LARS1: variants seen among roughly 807,000 people sequenced by gnomAD.
LARS1 encodes the protein leucine--tRNA ligase, cytoplasmic.
In LARS1, 100 loss-of-function variants were observed where a neutral mutation model predicts 162.8. That is an observed-to-expected ratio of 0.61 (90% CI 0.52 to 0.73). The LOEUF (loss-of-function observed/expected upper bound fraction) is 0.73, where lower values mean the gene tolerates loss of function less well. LARS1 is among the 30% of genes least tolerant of loss of function. The pLI, the probability that LARS1 is intolerant of heterozygous loss-of-function variation, is 0.00. For synonymous variants in LARS1, 457 were observed against 462.8 expected (o/e 0.99, Z 0.16); for missense variants, 1,258 against 1,408.9 (o/e 0.89, Z 1.71).
Position 146,160,477 on chromosome 5 carries a change from GC to G in LARS1, c.603del (p.Trp201CysfsTer23). The G allele has an allele frequency of 6.5e-7, 1 of 1,531,964 alleles. No individual in the cohort carries two copies. 94.9% of individuals were successfully genotyped at this position (1,531,964 alleles called of 1,614,324 possible). A position where few individuals can be genotyped will look rare whatever the true frequency, so the allele number is the denominator to read the frequency against. ...ACATCAGTGGTGATGAAGGAACGACGCCAGTCTACCTATAAAAGGAAAATTT... is the reference window on the plus strand; with the variant it reads ...ACATCAGTGGTGATGAAGGAACGACGCAGTCTACCTATAAAAGGAAAATTT... ...DLKRMGLKVD[W>X]RRSFITTDVN... On this transcript the variant is annotated frameshift_variant, in exon 7 of 32. Coordinates refer to ENST00000394434, the MANE Select transcript of LARS1 (RefSeq NM_020117.11). LOFTEE classifies it high-confidence loss of function.
At chr5:146,172,237 G>T (rs1229335605) in intron 3 of LARS1, among the ~76,000 whole-genome samples, 1 of 152,128 alleles carries the variant, frequency 6.6e-6, no homozygotes, top group African/African-American at 2.4e-5. Flanking sequence ...ACTTAAATGG[G>T]CCAGGCACGG....
chr5:146,179,743 G>C lies in LARS1; in HGVS notation c.7-2078C>G, dbSNP rs181353447. ...GCCTCCTGAATAGCTGGGACTACAGGCATATGCACCACCATACCCAGATAG... is the reference window on the plus strand; with the variant it reads ...GCCTCCTGAATAGCTGGGACTACAGCCATATGCACCACCATACCCAGATAG... On this transcript the variant is annotated intron_variant, in intron 1 of 31. Coordinates refer to ENST00000394434, the MANE Select transcript of LARS1 (RefSeq NM_020117.11). 1.3e-5 allele frequency: 5 copies of C among 395,636 alleles called. No individual in the cohort carries two copies. The Admixed American group carries it at 1.4e-4, about 11-fold the overall frequency. 24.5% of individuals were successfully genotyped at this position (395,636 alleles called of 1,614,324 possible). A position where few individuals can be genotyped will look rare whatever the true frequency, so the allele number is the denominator to read the frequency against.
At position 146,171,979 on chromosome 5, in the gene LARS1, C is replaced by A; in HGVS notation, c.225G>T (p.Gly75=). The A allele has an allele frequency of 6.2e-7, 1 of 1,612,876 alleles. No homozygotes were observed. Among genetic ancestry groups the A allele is most frequent in the South Asian group, 1.1e-5 (1 of 91,056 alleles). Residue 75 remains glycine, a synonymous_variant, in exon 4 of 32, where the codon GGG becomes GGT. Coordinates refer to ENST00000394434, the MANE Select transcript of LARS1 (RefSeq NM_020117.11). ...AACATTTTCCTTTCAATCGCTGGTA[C>A]CCTACAGCAAACTACAGAAATAAAA... ...FSLSKCEFAV[G]YQRLKGKCCL... is the part of the protein sequence containing the mutation.
At chr5:146,177,293 C>G (rs1581095718) in intron 2 of LARS1, among the ~76,000 whole-genome samples, 1 of 151,498 alleles carries the variant, frequency 6.6e-6, no homozygotes, top group East Asian at 1.9e-4. Context: ...AGTGAAACAT[C>G]ATCTCTACTA....
At chr5:146,124,880 T>C (rs1283258539) in intron 28 of LARS1, among the ~76,000 whole-genome samples, 5 of 151,856 alleles carry the variant, frequency 3.3e-5, no homozygotes, top group African/African-American at 1.2e-4. Context: ...AAACCACTAA[T>C]TTGCCTGGCA....
chr5:146,126,500 G>A lies in LARS1; in HGVS notation c.2926C>T (p.Leu976=). 6.2e-7 allele frequency: 1 copy of A among 1,612,348 alleles called. No homozygotes were observed. The highest frequency in any genetic ancestry group is 8.5e-7 in the Non-Finnish European group (1 of 1,178,832). ...LPDNKVIASE[L]GSMPELKKYM... Reference sequence around the variant, plus strand: ...TTCTTCAGTTCTGGCATACTGCCTAGTTCACTAGCAATGACTTTGTTGTCA... The same window carrying A: ...TTCTTCAGTTCTGGCATACTGCCTAATTCACTAGCAATGACTTTGTTGTCA... Residue 976 remains leucine, a synonymous_variant, in exon 28 of 32, where the codon CTA becomes TTA. Transcript: ENST00000394434.
rs187323778 is a variant in LARS1 at position 146,154,589 on chromosome 5, G to A, written c.1066-609C>T. 5.3e-3 allele frequency among the ~76,000 whole-genome samples: 803 copies of A among 152,084 alleles called. 9 individuals are homozygous for A. The highest frequency in any genetic ancestry group is 0.018 in the African/African-American group (762 of 41,510). On this transcript the variant is annotated intron_variant, in intron 10 of 31. Transcript: ENST00000394434. ...GCTTAGGAGTTCGCGACCAGCCTGGGCAACATGGTGAAACCCCGTCTCTAC... is the reference window on the plus strand; with the variant it reads ...GCTTAGGAGTTCGCGACCAGCCTGGACAACATGGTGAAACCCCGTCTCTAC...
At chr5:146,164,676 T>C (rs1348915158) in intron 5 of LARS1, among the ~76,000 whole-genome samples, 1 of 152,210 alleles carries the variant, frequency 6.6e-6, no homozygotes. Flanking sequence ...TCAAACTGTA[T>C]AGCCAAGATA....
intron 5 of LARS1, 82 bp downstream of exon 5, chr5:146,168,046 C>T (rs1211856219): frequency 3.5e-6 from 4 of 1,137,118 alleles, no homozygotes; most frequent in Non-Finnish European, 2.5e-6. Flanking sequence ...ATGTGTTGGG[C>T]ACTGTGCTAG....
Position 146,113,906 on chromosome 5 carries a change from C to A in LARS1, c.*200G>T. On this transcript the variant is annotated 3_prime_UTR_variant, in exon 32 of 32. Coordinates refer to ENST00000394434, the MANE Select transcript of LARS1 (RefSeq NM_020117.11). ...GGCAAAAACCATTTCTCTTGGACAC[C>A]CAAAGAAAGGGAAAAAAAATTTATT... The A allele has an allele frequency of 1.3e-5, 7 of 533,492 alleles. No homozygotes were observed. The highest frequency in any genetic ancestry group is 5.7e-5 in the South Asian group (2 of 35,138). The allele number at this position is 533,492 out of a possible 1,614,324, so 33.0% of individuals were successfully genotyped here.
Position 146,140,271 on chromosome 5 carries a change from T to C in LARS1, c.2091-10A>G. The C allele has an allele frequency of 6.3e-7, 1 of 1,596,150 alleles. No homozygotes were observed. Among genetic ancestry groups the C allele is most frequent in the Non-Finnish European group, 8.6e-7 (1 of 1,164,240 alleles). ...TGTAGGCCATTTGTCACTTCACAGA[T>C]AAATGTTTAAAGATAGAAAATAAAA... On this transcript the variant is annotated splice_polypyrimidine_tract_variant and intron_variant, in intron 20 of 31. Transcript: ENST00000394434.
At chr5:146,117,068 C>G (rs1191240609) in intron 31 of LARS1, among the ~76,000 whole-genome samples, 1 of 152,128 alleles carries the variant, frequency 6.6e-6, no homozygotes, top group Non-Finnish European at 1.5e-5. Context: ...CTAAAATTTA[C>G]AACAGCTACT....
At chr5:146,140,292 T>TA (rs746987730) in intron 20 of LARS1, 31 bp from the exon 21 acceptor site, 9 of 1,563,276 alleles carry the variant, frequency 5.8e-6, no homozygotes, top group African/African-American at 2.7e-5. Context: ...AGATAGAAAA[T>TA]AAAAAAACAA....
rs755249970 is a variant in LARS1, at chr5:146,114,119, T to C, written c.3518A>G (p.Tyr1173Cys). The change falls in exon 32 of 32, where the codon TAT becomes TGT. Residue 1173 changes from tyrosine to cysteine, a missense_variant. Tyr to Cys is a radical substitution (Grantham distance 194). Coordinates refer to ENST00000394434, the MANE Select transcript of LARS1 (RefSeq NM_020117.11). ...ATGTGCATGAGTTTAATGAACCAGA[T>C]AGATTATTGTATCGCCAATATCCAC... ...IRVDIGDTIIYLVH is the reference protein window; with the variant it reads ...IRVDIGDTIICLVH 24 of 1,612,432 alleles carry C rather than the reference T, an allele frequency of 1.5e-5. No individual in the cohort carries two copies. Among genetic ancestry groups the C allele is most frequent in the Non-Finnish European group, 2.0e-5 (24 of 1,178,992 alleles).
intron 22 of LARS1, 57 bp downstream of exon 22, chr5:146,135,544 T>C: frequency 7.9e-7 from 1 of 1,264,130 alleles, no homozygotes. Flanking sequence ...TTAACGTGTC[T>C]TCTATAATCT....
At chr5:146,156,051 G>A (rs1753510633) in intron 10 of LARS1, among the ~76,000 whole-genome samples, 1 of 152,176 alleles carries the variant, frequency 6.6e-6, no homozygotes, top group Non-Finnish European at 1.5e-5. Flanking sequence ...AAATTAAAAA[G>A]CAAGATGTGG....
chr5:146,168,281 G>A lies in LARS1; in HGVS notation c.295-16C>T, dbSNP rs772228195. 6.3e-7 allele frequency: 1 copy of A among 1,579,784 alleles called. No homozygotes were observed. The highest frequency in any genetic ancestry group is 2.2e-5 in the East Asian group (1 of 44,516). On this transcript the variant is annotated splice_polypyrimidine_tract_variant and intron_variant, in intron 4 of 31. Transcript: ENST00000394434. The stretch of plus-strand genomic sequence containing the variant: ...CAGCACATGCCTACAACGAATATTA[G>A]AGATAATGAAGTTCAAAATCAAGGT...
At chr5:146,162,615 G>T (rs1384155287) in intron 6 of LARS1, among the ~76,000 whole-genome samples, 2 of 152,146 alleles carry the variant, frequency 1.3e-5, no homozygotes, top group African/African-American at 4.8e-5. Context: ...AAAGTCAGTA[G>T]ACACATTAGC....
intron 1 of LARS1, among the ~76,000 whole-genome samples, chr5:146,181,870 T>C (rs1754877791): frequency 1.6e-5 from 2 of 126,780 alleles, no homozygotes; most frequent in African/African-American, 3.4e-5. Flanking sequence ...TTTTTTTTTT[T>C]TTTTTTTTTG....
Sources: gnomAD v4.1 joint callset for allele counts (sites outside exome capture counted in the v4.1 genomes callset) on GRCh38, gnomAD v4.1.1 for gene constraint, MANE v1.5 for transcripts, NCBI Gene and HGNC (gene_info 2026-07-23, HGNC 2026-07-21) for gene names.